The following FCSK variants were observed in gnomAD, a reference collection of about 807,000 sequenced individuals.
FCSK encodes the protein L-fucose kinase.
A neutral mutation model predicts 122.5 loss-of-function variants in FCSK; 123 were observed. The ratio of observed to expected loss-of-function variants is 1.00; its 90% CI spans 0.87 to 1.17. FCSK has a LOEUF of 1.17. Among genes scored for constraint, FCSK ranks in the 50% most tolerant of loss-of-function variants. FCSK has a pLI of 0.00. For synonymous variants in FCSK, 620 were observed against 625.5 expected (o/e 0.99, Z 0.13); for missense variants, 1,366 against 1,450.4 (o/e 0.94, Z 0.95).
chr16:70,465,227 G>A (rs372141917), intron 4 of FCSK, 51 bp downstream of exon 4: 120 of 1,556,794 alleles, frequency 7.7e-5, no homozygotes, highest in African/African-American at 4.1e-4. Context: ...ATCCCAGTTC[G>A]TGGAGTTGAG....
chr16:70,460,258 C>T (rs1245612139), intron 1 of FCSK, among the ~76,000 whole-genome samples: 5 of 151,654 alleles, frequency 3.3e-5, no homozygotes. Context: ...ACTACAGGCA[C>T]CCGCCACCAC....
At chr16:70,464,080 T>C (rs1167963889) in intron 3 of FCSK, among the ~76,000 whole-genome samples, 1 of 152,212 alleles carries the variant, frequency 6.6e-6, no homozygotes, top group Non-Finnish European at 1.5e-5. Context: ...CAACGAACTG[T>C]TCGCTGGACC....
In FCSK at chr16:70,479,721, A is replaced by T. The variant is rs542949828; in HGVS notation, c.*41A>T. ...GCAACAGGAGAAAACCTGGAGCTAC[A>T]GTGTCCCCCACCTTCCTTGCCCCAT... On this transcript the variant is annotated 3_prime_UTR_variant, in exon 24 of 24. Coordinates refer to ENST00000288078, the MANE Select transcript of FCSK (RefSeq NM_145059.3). 4 of 1,520,290 alleles carry T rather than the reference A, an allele frequency of 2.6e-6. No homozygotes were observed. The highest frequency in any genetic ancestry group is 3.6e-6 in the Non-Finnish European group (4 of 1,100,142). 94.2% of individuals were successfully genotyped at this position (1,520,290 alleles called of 1,614,324 possible).
At chr16:70,465,585 G>C (rs1555567689) in intron 4 of FCSK, among the ~76,000 whole-genome samples, 1 of 151,824 alleles carries the variant, frequency 6.6e-6, no homozygotes, top group Non-Finnish European at 1.5e-5. Flanking sequence ...TTGAGCCTGG[G>C]AGGTTGAGGC....
intron 3 of FCSK, among the ~76,000 whole-genome samples, chr16:70,464,082 C>T (rs745321179): frequency 3.9e-5 from 6 of 152,158 alleles, no homozygotes; most frequent in South Asian, 2.1e-4. Context: ...ACGAACTGTT[C>T]GCTGGACCTG....
rs962746854 is a variant in FCSK, at chr16:70,470,418, C to T, written c.1060C>T (p.Gln354Ter). ...GAPGAQIVHS[Q>*]VEEQQLLAAG... ...TCCTGGGGCCCAGATTGTGCACTCC[C>T]AGGTGGAGGTGAGACCTCCCTGCCC... Residue 354 changes from glutamine to a stop codon, truncating the protein, a stop_gained, in exon 11 of 24, where the codon CAG becomes TAG. Transcript: ENST00000288078. LOFTEE classifies it high-confidence loss of function. The T allele has an allele frequency of 2.5e-6, 4 of 1,608,412 alleles. No individual in the cohort carries two copies. The highest frequency in any genetic ancestry group is 3.4e-6 in the Non-Finnish European group (4 of 1,175,598).
intron 1 of FCSK, among the ~76,000 whole-genome samples, chr16:70,460,581 T>G (rs1466484610): frequency 6.6e-6 from 1 of 151,918 alleles, no homozygotes; most frequent in Admixed American, 6.6e-5. Context: ...ATTTTTGTAT[T>G]TTTATTAGAG....
At chr16:70,462,195 T>C (rs557112335) in intron 1 of FCSK, 1 of 152,374 alleles carries the variant, frequency 6.6e-6, no homozygotes, top group African/African-American at 2.4e-5. Flanking sequence ...TCAGCCAGGC[T>C]GGAGTGCAGT....
chr16:70,466,723 A>G (rs1361269587), intron 5 of FCSK, among the ~76,000 whole-genome samples, 159 bp from the exon 6 acceptor site: 1 of 152,228 alleles, frequency 6.6e-6, no homozygotes, highest in Non-Finnish European at 1.5e-5. Flanking sequence ...AGTCTTGGTC[A>G]CATGGGGAAA....
chr16:70,478,868 C>T, intron 22 of FCSK: 2 of 700,078 alleles, frequency 2.9e-6, no homozygotes, highest in Admixed American at 2.0e-5. Context: ...CCAGCCCTAA[C>T]AGGAAGCAGA....
intron 11 of FCSK, among the ~76,000 whole-genome samples, 178 bp downstream of exon 11, chr16:70,470,604 A>G (rs1424111785): frequency 1.3e-5 from 2 of 152,220 alleles, no homozygotes; most frequent in Non-Finnish European, 2.9e-5. Flanking sequence ...AAGGCCACAG[A>G]GCCAGTAAGT....
rs547808858 is a variant in FCSK at position 70,478,668 on chromosome 16, G to T, written c.2929+18G>T. 3.7e-6 allele frequency: 6 copies of T among 1,603,734 alleles called. No homozygotes were observed. In the Admixed American group the frequency reaches 8.3e-5, roughly 22 times the overall value. ...CCGCCAAGGTGAGGGGCTTCCTCTG[G>T]GGGGGTCAGGGCACTGGGAGCGAGT... On this transcript the variant is annotated intron_variant, in intron 22 of 23. Coordinates refer to ENST00000288078, the MANE Select transcript of FCSK (RefSeq NM_145059.3).
Position 70,473,708 on chromosome 16 carries a change from A to G in FCSK, c.1777+355A>G, listed in dbSNP as rs2058721277. ...CCCCAGGGGACATGGTCATCTCTGC[A>G]TGAGGTCCCAAGCACACTTCCGGGG... is the stretch of plus-strand genomic sequence containing the variant. On this transcript the variant is annotated intron_variant, in intron 15 of 23. Transcript: ENST00000288078. The surrounding 1 kb of genome is among the most constrained non-coding windows in gnomAD (Gnocchi z 4.9). 6.6e-6 allele frequency among the ~76,000 whole-genome samples: 1 copy of G among 152,186 alleles called. No homozygotes were observed. The highest frequency in any genetic ancestry group is 6.5e-5 in the Admixed American group (1 of 15,276).
intron 9 of FCSK, 71 bp from the exon 10 acceptor site, chr16:70,469,081 T>C: frequency 6.2e-7 from 1 of 1,608,092 alleles, no homozygotes; most frequent in Non-Finnish European, 8.5e-7. Flanking sequence ...GGGACTGCCC[T>C]GGTTCAGCCT....
intron 4 of FCSK, 92 bp from the exon 5 acceptor site, chr16:70,466,040 C>A: frequency 7.7e-7 from 1 of 1,302,696 alleles, no homozygotes; most frequent in South Asian, 1.3e-5. Context: ...TTTTTATCAG[C>A]CCTCCACTGG....
chr16:70,467,792 C>T, intron 7 of FCSK, 94 bp from the exon 8 acceptor site: 1 of 1,081,470 alleles, frequency 9.2e-7, no homozygotes, highest in South Asian at 1.3e-5. Context: ...CTCAGCTTTC[C>T]TTTGGAGAAT....
rs369134118 is a variant in FCSK, at chr16:70,469,368, G to T, written c.955+45G>T. ...TCCCTGGGGTGGGGAGACCATGGGA[G>T]TGAGGACCCCAAGAATGGAGCTGCT... is the stretch of plus-strand genomic sequence containing the variant. On this transcript the variant is annotated intron_variant, in intron 10 of 23. Transcript: ENST00000288078. The T allele has an allele frequency of 1.0e-4, 153 of 1,525,364 alleles. 1 individual carries two copies. The African/African-American group carries it at 1.9e-3, about 19-fold the overall frequency. The allele number at this position is 1,525,364 out of a possible 1,614,324, so 94.5% of individuals were successfully genotyped here.
intron 10 of FCSK, among the ~76,000 whole-genome samples, chr16:70,469,932 C>T (rs112230403): frequency 9.2e-5 from 14 of 152,028 alleles, no homozygotes; most frequent in Non-Finnish European, 1.5e-4. Context: ...GCAACCTCTG[C>T]GTCTCAGGTT....
At chr16:70,466,090 C>G (rs2048409778) in intron 4 of FCSK, 42 bp from the exon 5 acceptor site, 1 of 1,602,376 alleles carries the variant, frequency 6.2e-7, no homozygotes, top group African/African-American at 1.3e-5. Flanking sequence ...TGGCCTTGGG[C>G]TCTGTGCACT....
Sources: allele counts gnomAD v4.1 joint callset (sites outside exome capture counted in the v4.1 genomes callset), GRCh38; gene constraint gnomAD v4.1.1; non-coding constraint Gnocchi (gnomAD v3.1); transcripts MANE v1.5; gene names NCBI Gene and HGNC (gene_info 2026-07-23, HGNC 2026-07-21).